MICAL2: variants seen among roughly 807,000 people sequenced by gnomAD.
MICAL2 encodes microtubule associated monooxygenase, calponin and LIM domain containing 2, also known as [F-actin]-monooxygenase MICAL2.
A neutral mutation model predicts 127.3 loss-of-function variants in MICAL2; 77 were observed. The ratio of observed to expected loss-of-function variants is 0.60; its 90% confidence interval spans 0.50 to 0.73. The LOEUF is 0.73. MICAL2 is among the 30% of genes least tolerant of loss of function. MICAL2 has a pLI of 0.00. For missense variants in MICAL2, 1,351 were observed against 1,434.4 expected, an observed-to-expected ratio of 0.94 and a Z score of 0.94; for synonymous variants, 570 against 551.1, an observed-to-expected ratio of 1.03 and a Z score of -0.48.
At chr11:12,168,119 TAGTG>T (rs1038057254) in intron 3 of MICAL2, among the ~76,000 whole-genome samples, 10 of 147,752 alleles carry the variant, frequency 6.8e-5, no homozygotes, top group Non-Finnish European at 1.3e-4. Flanking sequence ...TTGGGCGACA[TAGTG>T]AGACCTGGTC....
At chr11:12,321,366 G>A (rs1181959447) in intron 30 of MICAL2, among the ~76,000 whole-genome samples, 1 of 152,164 alleles carries the variant, frequency 6.6e-6, no homozygotes, top group Admixed American at 6.5e-5. Context: ...TGTGTCCCCA[G>A]CCAGGTGGCA....
intron 2 of MICAL2, among the ~76,000 whole-genome samples, chr11:12,160,798 G>A (rs946889398): frequency 2.0e-5 from 3 of 152,244 alleles, no homozygotes; most frequent in African/African-American, 7.2e-5. Flanking sequence ...CGGGGCCTGA[G>A]CCTACGTATT....
chr11:12,130,697 C>T (rs1008372497), intron 1 of MICAL2, among the ~76,000 whole-genome samples: 2 of 152,220 alleles, frequency 1.3e-5, no homozygotes, highest in African/African-American at 4.8e-5. Context: ...CTCTTCCTCC[C>T]TCCTGCCAAC....
chr11:12,175,774 T>A (rs1856774773), intron 3 of MICAL2, among the ~76,000 whole-genome samples: 1 of 152,016 alleles, frequency 6.6e-6, no homozygotes, highest in African/African-American at 2.4e-5. Flanking sequence ...GGGGAGTGAA[T>A]GCTAGGCAAA....
intron 2 of MICAL2, among the ~76,000 whole-genome samples, chr11:12,147,585 G>T (rs1188319418): frequency 6.6e-6 from 1 of 152,172 alleles, no homozygotes; most frequent in African/African-American, 2.4e-5. Flanking sequence ...GTCCAGACAA[G>T]ATTAGTGCAC....
chr11:12,206,642 A>G (rs1476327738), intron 4 of MICAL2, among the ~76,000 whole-genome samples: 1 of 152,098 alleles, frequency 6.6e-6, no homozygotes, highest in Non-Finnish European at 1.5e-5. Flanking sequence ...GCAGTTCTCC[A>G]TGTCTGTGTT....
intron 25 of MICAL2, 92 bp from the exon 26 acceptor site, chr11:12,259,703 G>A (rs1862839299): frequency 8.4e-7 from 1 of 1,186,078 alleles, no homozygotes; most frequent in South Asian, 1.6e-5. Flanking sequence ...TGCAGGGTCT[G>A]GCGAGTTCAG....
chr11:12,224,758 C>T lies in MICAL2; in HGVS notation c.1626C>T (p.Thr542=). The T allele has an allele frequency of 6.2e-7, 1 of 1,614,228 alleles. No homozygotes were observed. Among genetic ancestry groups the T allele is most frequent in the Non-Finnish European group, 8.5e-7 (1 of 1,180,036 alleles). Residue 542 remains threonine, a synonymous_variant, in exon 13 of 28, where the codon ACC becomes ACT. Coordinates refer to ENST00000683283, the MANE Select transcript of MICAL2 (RefSeq NM_001282663.2). The part of the protein sequence containing the change: ...GYQHVNVTDL[T]TSWRSGLALC... ...AGCATGTCAACGTCACCGACCTGAC[C>T]ACATCCTGGCGCAGTGGGTTGGCCC...
chr11:12,232,568 C>T (rs900150711), intron 15 of MICAL2, among the ~76,000 whole-genome samples: 3 of 152,056 alleles, frequency 2.0e-5, no homozygotes, highest in African/African-American at 7.2e-5. Context: ...ACTAAAAATA[C>T]AAAAATTAGC....
intron 3 of MICAL2, among the ~76,000 whole-genome samples, chr11:12,198,695 A>G (rs1483083281): frequency 2.0e-5 from 3 of 152,172 alleles, no homozygotes; most frequent in African/African-American, 7.2e-5. Flanking sequence ...TGCGGCTACC[A>G]GGAAGACAGC....
At chr11:12,139,375 G>A (rs1852129629) in intron 2 of MICAL2, among the ~76,000 whole-genome samples, 1 of 152,230 alleles carries the variant, frequency 6.6e-6, no homozygotes, top group South Asian at 2.1e-4. Context: ...TCCTGGACAT[G>A]TGAGCCTTGG....
chr11:12,297,365 T>C (rs1224065173), intron 29 of MICAL2, among the ~76,000 whole-genome samples: 2 of 152,304 alleles, frequency 1.3e-5, no homozygotes, highest in East Asian at 1.9e-4. Flanking sequence ...CAGTTTTCTA[T>C]TGGTTTGTTG....
chr11:12,121,252 C>A (rs1202842149), intron 1 of MICAL2, among the ~76,000 whole-genome samples: 1 of 152,182 alleles, frequency 6.6e-6, no homozygotes. Flanking sequence ...CTTCTCCTGA[C>A]TCAAGGTCAA....
intron 2 of MICAL2, among the ~76,000 whole-genome samples, chr11:12,282,678 G>A (rs1284823650): frequency 6.6e-6 from 1 of 152,172 alleles, no homozygotes; most frequent in Non-Finnish European, 1.5e-5. Context: ...TACTCTCATT[G>A]TTTATGAGGA....
intron 30 of MICAL2, among the ~76,000 whole-genome samples, chr11:12,320,721 C>A (rs1314141575): frequency 6.6e-6 from 1 of 151,968 alleles, no homozygotes; most frequent in Non-Finnish European, 1.5e-5. Flanking sequence ...GATTTGACAT[C>A]ATCTCAAGTC....
chr11:12,125,788 G>A (rs368946), intron 1 of MICAL2, among the ~76,000 whole-genome samples: 1 of 152,230 alleles, frequency 6.6e-6, no homozygotes, highest in East Asian at 1.9e-4. Flanking sequence ...GGTAGATGGG[G>A]ACAGGAGTAG....
At position 12,222,132 on chromosome 11, in the gene MICAL2, C is replaced by T. The variant is rs571202107; in HGVS notation, c.1322+373C>T. Among the ~76,000 whole-genome samples the T allele has an allele frequency of 4.6e-5, 7 of 152,322 alleles. No individual in the cohort carries two copies. In the East Asian group the frequency reaches 1.2e-3, roughly 25 times the overall value. On this transcript the variant is annotated intron_variant, in intron 10 of 27. Transcript: ENST00000683283. Reference sequence around the variant, plus strand: ...CTGTCCTGGATGGGGGTTGGATTCTCTGGCTTTCCAGGCCTCTCACACCAC... The same window carrying T: ...CTGTCCTGGATGGGGGTTGGATTCTTTGGCTTTCCAGGCCTCTCACACCAC...
chr11:12,227,250 C>T (rs541808965), intron 15 of MICAL2, 119 bp downstream of exon 15: 68 of 695,590 alleles, frequency 9.8e-5, no homozygotes, highest in Admixed American at 7.6e-4. Context: ...CAGGCGCTCC[C>T]GGAAGATGCT....
intron 1 of MICAL2, among the ~76,000 whole-genome samples, chr11:12,125,419 A>G (rs755769694): frequency 1.1e-4 from 17 of 152,044 alleles, no homozygotes; most frequent in Admixed American, 9.8e-4. Context: ...ATGCCCTGCT[A>G]ATTTTTTTGT....
Sources: gnomAD v4.1 joint callset for allele counts (sites outside exome capture counted in the v4.1 genomes callset) on GRCh38, gnomAD v4.1.1 for gene constraint, MANE v1.5 for transcripts, NCBI Gene and HGNC (gene_info 2026-07-23, HGNC 2026-07-21) for gene names.